Variants in MTUS2 observed in about 807,000 individuals in gnomAD.
MTUS2 encodes the protein microtubule-associated tumor suppressor candidate 2.
A neutral mutation model predicts 114.1 loss-of-function variants in MTUS2; 40 were observed. That is an observed-to-expected ratio of 0.35 (90% CI 0.27 to 0.46). The LOEUF (loss-of-function observed/expected upper bound fraction) is 0.46. Among genes scored for constraint, MTUS2 ranks in the 20% least tolerant of loss-of-function variants. The pLI is 1.00. For missense variants in MTUS2, 1,679 were observed against 1,705.4 expected (o/e 0.98, Z 0.27); for synonymous variants, 688 against 672.0 (o/e 1.02, Z -0.37).
chr13:29,475,428 A>C (rs1258841724), intron 9 of MTUS2, among the ~76,000 whole-genome samples: 1 of 152,228 alleles, frequency 6.6e-6, no homozygotes. Context: ...ATTATAAAAC[A>C]AAATTTACTG....
At chr13:28,976,203 C>CAAAAAAA (rs71090215) in intron 2 of MTUS2, among the ~76,000 whole-genome samples, 48 of 90,114 alleles carry the variant, frequency 5.3e-4, no homozygotes, top group African/African-American at 7.8e-4. Context: ...GACCTTGTCT[C>CAAAAAAA]AAAAAAAAAA....
At chr13:29,470,652 C>T (rs1880217776) in intron 9 of MTUS2, among the ~76,000 whole-genome samples, 1 of 152,240 alleles carries the variant, frequency 6.6e-6, no homozygotes, top group Non-Finnish European at 1.5e-5. Context: ...GTTTGATACT[C>T]TCTGGGGACT....
In MTUS2 at chr13:29,505,596, C is replaced by T. The variant is rs1883183721; in HGVS notation, c.*2390C>T. 1.3e-5 allele frequency: 3 copies of T among 231,510 alleles called. No homozygotes were observed. The highest frequency in any genetic ancestry group is 1.8e-4 in the South Asian group (1 of 5,510). The allele number at this position is 231,510 out of a possible 1,614,324, so 14.3% of individuals were successfully genotyped here. On this transcript the variant is annotated 3_prime_UTR_variant, in exon 16 of 16. Coordinates refer to ENST00000612955, the MANE Select transcript of MTUS2 (RefSeq NM_001033602.4). ...TCCACCCCCCCACACCATCAGAATT[C>T]GGATTTCTCTCCACGTGGCGTCTGC...
At chr13:28,845,781 T>C (rs1355108609) in intron 2 of MTUS2, among the ~76,000 whole-genome samples, 1 of 152,006 alleles carries the variant, frequency 6.6e-6, no homozygotes. Context: ...GGGTCATGTC[T>C]CAGCTCTGGC....
chr13:28,827,152 G>A (rs2137934877), intron 1 of MTUS2, among the ~76,000 whole-genome samples: 1 of 152,312 alleles, frequency 6.6e-6, no homozygotes, highest in South Asian at 2.1e-4. Flanking sequence ...TTTGAGAATT[G>A]AAATCATGTA....
At chr13:29,270,236 C>T (rs1020386638) in intron 5 of MTUS2, among the ~76,000 whole-genome samples, 14 of 152,112 alleles carry the variant, frequency 9.2e-5, no homozygotes, top group African/African-American at 3.4e-4. Flanking sequence ...AAATGCCTAC[C>T]ACAGGGACCT....
intron 4 of MTUS2, among the ~76,000 whole-genome samples, chr13:29,047,799 C>T (rs1307933348): frequency 6.6e-6 from 1 of 152,144 alleles, no homozygotes; most frequent in Non-Finnish European, 1.5e-5. Flanking sequence ...CGTGAGCCAC[C>T]ACGCCTGGCC....
At chr13:28,995,575 T>C (rs1217644717) in intron 2 of MTUS2, among the ~76,000 whole-genome samples, 1 of 152,120 alleles carries the variant, frequency 6.6e-6, no homozygotes, top group Non-Finnish European at 1.5e-5. Context: ...TTTTATTTCA[T>C]TGAGCAGTGG....
Position 29,352,176 on chromosome 13 carries a change from C to T in MTUS2, c.2906-7086C>T, listed in dbSNP as rs181868808. ...TGAGTTAAATCCTAATTTGGTGAATCATGTGTGACCTCCTGGAAATTATAC... is the reference window on the plus strand; with the variant it reads ...TGAGTTAAATCCTAATTTGGTGAATTATGTGTGACCTCCTGGAAATTATAC... On this transcript the variant is annotated intron_variant, in intron 7 of 15. Coordinates refer to ENST00000612955, the MANE Select transcript of MTUS2 (RefSeq NM_001033602.4). Among the ~76,000 whole-genome samples the T allele has an allele frequency of 1.2e-4, 18 of 152,272 alleles. No homozygotes were observed. The East Asian group carries it at 3.3e-3, about 28-fold the overall frequency.
At chr13:29,327,101 G>A (rs1054354520) in intron 7 of MTUS2, among the ~76,000 whole-genome samples, 6 of 152,014 alleles carry the variant, frequency 3.9e-5, no homozygotes, top group South Asian at 2.1e-4. Flanking sequence ...GCTTTAGATC[G>A]TTTCCAAAGT....
At chr13:29,493,720 CG>C (rs1882344494) in intron 12 of MTUS2, among the ~76,000 whole-genome samples, 1 of 152,190 alleles carries the variant, frequency 6.6e-6, no homozygotes, top group Admixed American at 6.5e-5. Flanking sequence ...CTGCCTTCCT[CG>C]TATACACATC....
chr13:28,967,419 A>C (rs1484377974), intron 2 of MTUS2, among the ~76,000 whole-genome samples: 1 of 152,148 alleles, frequency 6.6e-6, no homozygotes, highest in African/African-American at 2.4e-5. Flanking sequence ...CTTCTACCCC[A>C]CCTATATCCC....
At chr13:29,311,544 A>AT (rs1489401840) in intron 6 of MTUS2, among the ~76,000 whole-genome samples, 2 of 152,180 alleles carry the variant, frequency 1.3e-5, no homozygotes, top group Admixed American at 1.3e-4. Context: ...GAAAAAGTGT[A>AT]TTTTTTGTAC....
chr13:29,495,744 G>A (rs529095651), intron 12 of MTUS2, among the ~76,000 whole-genome samples: 28 of 151,992 alleles, frequency 1.8e-4, no homozygotes, highest in Non-Finnish European at 3.1e-4. Context: ...GGTGGTGCAC[G>A]CCTGTAGTCC....
intron 8 of MTUS2, among the ~76,000 whole-genome samples, chr13:29,415,249 AGTCACTATTATCAAAG>A (rs1875580999): frequency 6.6e-6 from 1 of 152,204 alleles, no homozygotes; most frequent in African/African-American, 2.4e-5. Flanking sequence ...AAACAGGTAT[AGTCACTATTATCAAAG>A]TATAAAGTTC....
At position 29,503,026 on chromosome 13, in the gene MTUS2, A is replaced by G. The variant is rs1387477890; in HGVS notation, c.3930A>G (p.Glu1310=). 1.2e-6 allele frequency: 2 copies of G among 1,614,210 alleles called. No homozygotes were observed. The highest frequency in any genetic ancestry group is 1.6e-4 in the Middle Eastern group (1 of 6,062). Residue 1310 remains glutamate, a synonymous_variant, in exon 16 of 16, where the codon GAA becomes GAG. Coordinates refer to ENST00000612955, the MANE Select transcript of MTUS2 (RefSeq NM_001033602.4). The part of the protein sequence containing the change: ...QLSEENANLQ[E]YVEKETQEKK... The stretch of plus-strand genomic sequence containing the variant: ...CGGAGGAAAATGCTAACCTCCAGGA[A>G]TATGTTGAGAAGGAAACCCAGGAGA...
intron 5 of MTUS2, among the ~76,000 whole-genome samples, chr13:29,143,374 T>C (rs1892305940): frequency 6.6e-6 from 1 of 152,228 alleles, no homozygotes. Flanking sequence ...GTGCTCCATA[T>C]ATGTTCAGTG....
At chr13:29,303,291 G>T (rs1390643177) in intron 6 of MTUS2, among the ~76,000 whole-genome samples, 1 of 152,328 alleles carries the variant, frequency 6.6e-6, no homozygotes, top group African/African-American at 2.4e-5. Flanking sequence ...ACAGAACTGG[G>T]CTGAGGCTAA....
chr13:28,913,580 C>G (rs1410800906), intron 2 of MTUS2, among the ~76,000 whole-genome samples: 1 of 151,476 alleles, frequency 6.6e-6, no homozygotes, highest in East Asian at 1.9e-4. Context: ...TTTTCTTTTT[C>G]TTTTGTATCT....
Sources: allele counts gnomAD v4.1 joint callset (sites outside exome capture counted in the v4.1 genomes callset), GRCh38; gene constraint gnomAD v4.1.1; transcripts MANE v1.5; gene names NCBI Gene and HGNC (gene_info 2026-07-23, HGNC 2026-07-21).